Variants in TMEM132C observed in about 807,000 individuals in gnomAD.
TMEM132C encodes protein phosphatase 1, regulatory subunit 152.
Under a neutral mutation model 61.4 loss-of-function variants are expected in TMEM132C, and 29 were observed. The ratio of observed to expected loss-of-function variants is 0.47; its 90% CI spans 0.35 to 0.64. The LOEUF is 0.64. Ranked by LOEUF, TMEM132C falls within the 30% of genes least tolerant of loss-of-function variation. The probability of loss-of-function intolerance (pLI) is 0.00; values close to 1 mark genes in which losing one functional copy is unlikely to be tolerated. For missense variants in TMEM132C, 1,408 were observed against 1,476.9 expected (o/e 0.95, Z 0.76); for synonymous variants, 656 against 633.1 (o/e 1.04, Z -0.54).
intron 1 of TMEM132C, among the ~76,000 whole-genome samples, chr12:128,411,597 G>C (rs990721848): frequency 6.6e-6 from 1 of 152,076 alleles, no homozygotes; most frequent in Non-Finnish European, 1.5e-5. Flanking sequence ...AGGTGTTCCA[G>C]GTTCTTCTTG....
At chr12:128,664,510 A>T (rs1410043980) in intron 4 of TMEM132C, among the ~76,000 whole-genome samples, 1 of 152,238 alleles carries the variant, frequency 6.6e-6, no homozygotes, top group East Asian at 1.9e-4. Context: ...AAAACATTTA[A>T]TAATACAAAA....
At chr12:128,684,892 C>T (rs1051847001) in intron 5 of TMEM132C, among the ~76,000 whole-genome samples, 1 of 152,170 alleles carries the variant, frequency 6.6e-6, no homozygotes, top group Non-Finnish European at 1.5e-5. Context: ...TGTAAAACTT[C>T]AGCTCTGGCC....
intron 1 of TMEM132C, among the ~76,000 whole-genome samples, chr12:128,335,878 G>A (rs971473925): frequency 1.3e-5 from 2 of 152,158 alleles, no homozygotes; most frequent in African/African-American, 2.4e-5. Context: ...TGTTCTTTCC[G>A]TTACTCTAAT....
chr12:128,273,970 C>T (rs1870600809), intron 1 of TMEM132C, among the ~76,000 whole-genome samples: 1 of 152,192 alleles, frequency 6.6e-6, no homozygotes, highest in Non-Finnish European at 1.5e-5. Flanking sequence ...TAAATGGGTA[C>T]TTCTGATGTT....
At chr12:128,688,842 G>A (rs938723677) in intron 5 of TMEM132C, among the ~76,000 whole-genome samples, 1 of 152,138 alleles carries the variant, frequency 6.6e-6, no homozygotes, top group Non-Finnish European at 1.5e-5. Context: ...TTTCTTTGCT[G>A]GAGTTCAGTG....
chr12:128,447,648 T>TA (rs1424979239), intron 2 of TMEM132C, among the ~76,000 whole-genome samples: 1 of 148,114 alleles, frequency 6.8e-6, no homozygotes, highest in Non-Finnish European at 1.5e-5. Flanking sequence ...TTGGCCTTCA[T>TA]AAGCGAGTAA....
In TMEM132C at chr12:128,514,542, C is replaced by T. The variant is rs573118053; in HGVS notation, c.975-29415C>T. The stretch of plus-strand genomic sequence containing the variant: ...GGTGGCAGGCGGGGTGCGGGGGCGA[C>T]GCAATTTGTTCAGTGTTTGGGACTT... On this transcript the variant is annotated intron_variant, in intron 2 of 8. Coordinates refer to ENST00000435159, the MANE Select transcript of TMEM132C (RefSeq NM_001136103.3). Among the ~76,000 whole-genome samples the T allele has an allele frequency of 1.2e-4, 18 of 152,116 alleles. No homozygotes were observed. In the East Asian group the frequency reaches 2.9e-3, roughly 24 times the overall value.
intron 4 of TMEM132C, among the ~76,000 whole-genome samples, chr12:128,654,154 T>C (rs1954301182): frequency 6.6e-6 from 1 of 152,204 alleles, no homozygotes; most frequent in African/African-American, 2.4e-5. Context: ...TCTTTGGAAA[T>C]AGGGTCTTTG....
At chr12:128,334,275 C>T (rs1415725767) in intron 1 of TMEM132C, among the ~76,000 whole-genome samples, 3 of 152,152 alleles carry the variant, frequency 2.0e-5, no homozygotes, top group Non-Finnish European at 2.9e-5. Context: ...TCAGTGTCAG[C>T]CCAGCCCATC....
intron 2 of TMEM132C, among the ~76,000 whole-genome samples, chr12:128,524,223 G>C (rs183854087): frequency 1.4e-4 from 21 of 152,200 alleles, no homozygotes; most frequent in African/African-American, 5.1e-4. Flanking sequence ...TGATCTATGG[G>C]GTACCCTTTG....
intron 1 of TMEM132C, among the ~76,000 whole-genome samples, chr12:128,406,304 T>C (rs1875343113): frequency 6.6e-6 from 1 of 152,222 alleles, no homozygotes; most frequent in Admixed American, 6.5e-5. Flanking sequence ...TCAAACTTGA[T>C]GCATTCCTCA....
intron 4 of TMEM132C, among the ~76,000 whole-genome samples, chr12:128,668,369 A>G (rs1954499154): frequency 1.3e-5 from 2 of 152,370 alleles, no homozygotes; most frequent in South Asian, 4.1e-4. Context: ...GAACACAATC[A>G]TATCCCATGC....
At chr12:128,687,045 T>C (rs1380302777) in intron 5 of TMEM132C, among the ~76,000 whole-genome samples, 2 of 151,032 alleles carry the variant, frequency 1.3e-5, no homozygotes, top group Non-Finnish European at 3.0e-5. Flanking sequence ...AAAAAAACAG[T>C]ACAAAAATTA....
intron 4 of TMEM132C, among the ~76,000 whole-genome samples, chr12:128,635,788 GTCAC>G (rs1277330282): frequency 6.6e-6 from 1 of 152,204 alleles, no homozygotes; most frequent in Non-Finnish European, 1.5e-5. Context: ...CCAGGTGGAT[GTCAC>G]TCACAGTGTA....
chr12:128,593,510 A>T lies in TMEM132C; in HGVS notation c.1122-22642A>T, dbSNP rs139292454. ...CTCACACAGCCAATCCATGGAGCTCAGGCTTTGACCTGGATATGCCTGATT... is the reference window on the plus strand; with the variant it reads ...CTCACACAGCCAATCCATGGAGCTCTGGCTTTGACCTGGATATGCCTGATT... On this transcript the variant is annotated intron_variant, in intron 3 of 8. Transcript: ENST00000435159. Among the ~76,000 whole-genome samples the T allele has an allele frequency of 9.8e-5, 15 of 152,354 alleles. No homozygotes were observed. The East Asian group carries it at 2.9e-3, about 29-fold the overall frequency.
chr12:128,578,279 C>T (rs765197470), intron 3 of TMEM132C, among the ~76,000 whole-genome samples: 1 of 152,180 alleles, frequency 6.6e-6, no homozygotes, highest in Non-Finnish European at 1.5e-5. Context: ...ATAGGTCATG[C>T]CTGGAAGCGA....
At chr12:128,372,624 T>C (rs1874062484) in intron 1 of TMEM132C, among the ~76,000 whole-genome samples, 1 of 152,174 alleles carries the variant, frequency 6.6e-6, no homozygotes, top group Admixed American at 6.5e-5. Context: ...AAAGAAGACT[T>C]ATCAAGATGC....
At chr12:128,473,128 A>G (rs796265939) in intron 2 of TMEM132C, among the ~76,000 whole-genome samples, 2 of 142,572 alleles carry the variant, frequency 1.4e-5, no homozygotes, top group African/African-American at 5.1e-5. Context: ...TCCAGCCTCC[A>G]TCTTCATCTT....
At position 128,600,083 on chromosome 12, in the gene TMEM132C, C is replaced by T. The variant is rs374851860; in HGVS notation, c.1122-16069C>T. ...CTGCAAGCTCCGCCTCCCGGGTTCA[C>T]GCCATTCTCCTGCCTCAGCCTCCTG... On this transcript the variant is annotated intron_variant, in intron 3 of 8. Coordinates refer to ENST00000435159, the MANE Select transcript of TMEM132C (RefSeq NM_001136103.3). Among the ~76,000 whole-genome samples, 5 of 152,010 alleles carry T rather than the reference C, an allele frequency of 3.3e-5. No homozygotes were observed. The East Asian group carries it at 5.8e-4, about 18-fold the overall frequency.
Sources: allele counts gnomAD v4.1 joint callset (sites outside exome capture counted in the v4.1 genomes callset), GRCh38; gene constraint gnomAD v4.1.1; transcripts MANE v1.5; gene names NCBI Gene and HGNC (gene_info 2026-07-23, HGNC 2026-07-21).